PTPRG: variants seen among roughly 807,000 people sequenced by gnomAD.
The protein encoded by PTPRG is receptor-type tyrosine-protein phosphatase gamma.
PTPRG carries 102 observed loss-of-function variants against 165.3 expected under a neutral mutation model. The observed-to-expected ratio is 0.62, with a 90% CI of 0.53 to 0.73. PTPRG has a LOEUF of 0.73. Ranked by LOEUF, PTPRG falls within the 30% of genes least tolerant of loss-of-function variation. The probability of loss-of-function intolerance (pLI) is 0.00; values close to 1 mark genes in which losing one functional copy is unlikely to be tolerated. For synonymous variants in PTPRG, 675 were observed against 669.5 expected, an observed-to-expected ratio of 1.01 and a Z score of -0.13; for missense variants, 1,866 against 1,861.4, an observed-to-expected ratio of 1.00 and a Z score of -0.05.
intron 2 of PTPRG, among the ~76,000 whole-genome samples, chr3:61,880,622 CAAAA>C (rs35846878): frequency 6.2e-5 from 5 of 80,214 alleles, no homozygotes; most frequent in South Asian, 4.4e-4. Flanking sequence ...AACCCTGTCT[CAAAA>C]AAAAAAAAAA....
chr3:62,084,075 A>G (rs1272381786), intron 5 of PTPRG, among the ~76,000 whole-genome samples: 1 of 152,216 alleles, frequency 6.6e-6, no homozygotes, highest in Non-Finnish European at 1.5e-5. Context: ...GAGCATCTAC[A>G]TTAAGAAACG....
At chr3:61,648,622 T>C (rs1404341152) in intron 1 of PTPRG, among the ~76,000 whole-genome samples, 2 of 152,240 alleles carry the variant, frequency 1.3e-5, no homozygotes, top group Non-Finnish European at 2.9e-5. Context: ...AGGGAACGTC[T>C]AATGCCTGCA....
At chr3:61,785,934 C>T (rs1056200690) in intron 2 of PTPRG, among the ~76,000 whole-genome samples, 5 of 152,088 alleles carry the variant, frequency 3.3e-5, no homozygotes, top group Non-Finnish European at 4.4e-5. Context: ...TCCTTGGATT[C>T]CTATACTTCC....
intron 6 of PTPRG, among the ~76,000 whole-genome samples, chr3:62,150,671 T>TA (rs961224030): frequency 0.013 from 1,912 of 148,792 alleles, 17 homozygotes; most frequent in Middle Eastern, 0.039. Flanking sequence ...GCTTTTCCTC[T>TA]AAAAAAAAAA....
At chr3:61,836,120 A>C (rs1026808893) in intron 2 of PTPRG, among the ~76,000 whole-genome samples, 16 of 147,452 alleles carry the variant, frequency 1.1e-4, no homozygotes, top group Admixed American at 2.1e-4. Flanking sequence ...ACTGCAGATT[A>C]ATGGCTCTTT....
At chr3:61,924,976 C>T (rs962001309) in intron 2 of PTPRG, among the ~76,000 whole-genome samples, 2 of 152,184 alleles carry the variant, frequency 1.3e-5, no homozygotes, top group African/African-American at 4.8e-5. Context: ...ATGATATCTG[C>T]AAGCCAGGAA....
chr3:61,857,635 A>G (rs2037149641), intron 2 of PTPRG, among the ~76,000 whole-genome samples: 1 of 152,174 alleles, frequency 6.6e-6, no homozygotes, highest in African/African-American at 2.4e-5. Flanking sequence ...CCTATATATC[A>G]CAAGGCTTTG....
rs539977887 is a variant in PTPRG at position 61,735,051 on chromosome 3, G to A, written c.86-13827G>A. ...AAACCCCACTTTTTTAATAGCTGCA[G>A]TTTCTTCATCAGGAAAGGACTTTGG... On this transcript the variant is annotated intron_variant, in intron 1 of 29. Coordinates refer to ENST00000474889, the MANE Select transcript of PTPRG (RefSeq NM_002841.4). Among the ~76,000 whole-genome samples the A allele has an allele frequency of 3.6e-4, 55 of 152,280 alleles. 1 individual carries two copies. In the South Asian group the frequency reaches 0.011, roughly 30 times the overall value.
At chr3:62,076,499 TTTG>T (rs1701391084) in intron 4 of PTPRG, among the ~76,000 whole-genome samples, 3 of 149,036 alleles carry the variant, frequency 2.0e-5, no homozygotes, top group African/African-American at 7.7e-5. Flanking sequence ...GTTTTTTTTG[TTTG>T]TTTGTTTGTT....
intron 2 of PTPRG, among the ~76,000 whole-genome samples, chr3:61,819,673 T>C (rs936645907): frequency 7.9e-5 from 12 of 152,150 alleles, no homozygotes; most frequent in African/African-American, 2.9e-4. Context: ...GAAATTAAAC[T>C]GAGTATCATG....
intron 4 of PTPRG, among the ~76,000 whole-genome samples, chr3:62,046,171 T>C (rs1158318098): frequency 2.6e-5 from 4 of 152,176 alleles, no homozygotes; most frequent in Admixed American, 1.3e-4. Context: ...AGGCCAGTTA[T>C]AACCTGTTAG....
At chr3:62,184,618 T>C (rs888317176) in intron 8 of PTPRG, among the ~76,000 whole-genome samples, 3 of 152,168 alleles carry the variant, frequency 2.0e-5, no homozygotes, top group Non-Finnish European at 4.4e-5. Flanking sequence ...TGCCTCCTGC[T>C]CTTTCTCCCC....
At chr3:61,648,717 A>G (rs774585570) in intron 1 of PTPRG, among the ~76,000 whole-genome samples, 1 of 152,124 alleles carries the variant, frequency 6.6e-6, no homozygotes, top group Non-Finnish European at 1.5e-5. Flanking sequence ...ACATTTTTCT[A>G]TTAGGTTCTA....
chr3:61,766,376 C>G (rs1312570107), intron 2 of PTPRG, among the ~76,000 whole-genome samples: 2 of 152,152 alleles, frequency 1.3e-5, no homozygotes, highest in Non-Finnish European at 2.9e-5. Context: ...AAAAGAGTTT[C>G]TTCAGTCACT....
chr3:61,789,866 C>A (rs1212919389), intron 2 of PTPRG, among the ~76,000 whole-genome samples: 1 of 152,178 alleles, frequency 6.6e-6, no homozygotes, highest in Non-Finnish European at 1.5e-5. Context: ...ATGCCTAAAA[C>A]CTAGTCCTCT....
chr3:62,110,803 A>G (rs2106857760), intron 5 of PTPRG, among the ~76,000 whole-genome samples: 1 of 152,338 alleles, frequency 6.6e-6, no homozygotes, highest in African/African-American at 2.4e-5. Context: ...ACTTGCTGGT[A>G]GAAATTGCGA....
At chr3:62,016,229 A>G (rs781731454) in intron 4 of PTPRG, among the ~76,000 whole-genome samples, 3 of 152,118 alleles carry the variant, frequency 2.0e-5, no homozygotes, top group Non-Finnish European at 4.4e-5. Flanking sequence ...GTGCAGTGGC[A>G]TGATCTTGGC....
rs751375168 is a variant in PTPRG, at chr3:62,276,964, T to A, written c.3560-8T>A. 6.2e-7 allele frequency: 1 copy of A among 1,612,296 alleles called. No homozygotes were observed. The highest frequency in any genetic ancestry group is 8.5e-7 in the Non-Finnish European group (1 of 1,178,860). ...AAATGTGGTGTTTTTGTTTTTTCCATATGATAGCTGAGCGTGCTCGAGTGG... is the reference window on the plus strand; with the variant it reads ...AAATGTGGTGTTTTTGTTTTTTCCAAATGATAGCTGAGCGTGCTCGAGTGG... On this transcript the variant is annotated splice_region_variant and splice_polypyrimidine_tract_variant and intron_variant, in intron 24 of 29. Coordinates refer to ENST00000474889, the MANE Select transcript of PTPRG (RefSeq NM_002841.4).
chr3:61,858,531 T>A (rs762304317), intron 2 of PTPRG, among the ~76,000 whole-genome samples: 7 of 152,220 alleles, frequency 4.6e-5, no homozygotes, highest in Non-Finnish European at 7.3e-5. Flanking sequence ...TTAACTTTGA[T>A]GTCAATTATT....
Sources: gnomAD v4.1 joint callset for allele counts (sites outside exome capture counted in the v4.1 genomes callset) on GRCh38, gnomAD v4.1.1 for gene constraint, MANE v1.5 for transcripts, NCBI Gene and HGNC (gene_info 2026-07-23, HGNC 2026-07-21) for gene names.